PHF20: variants seen among roughly 807,000 people sequenced by gnomAD.
The protein encoded by PHF20 is PHD finger protein 20.
In PHF20, 23 loss-of-function variants were observed where a neutral mutation model predicts 113.5. The observed-to-expected ratio is 0.20, with a 90% CI of 0.15 to 0.29. PHF20 has a LOEUF of 0.29. Ranked by LOEUF, PHF20 falls within the 10% of genes least tolerant of loss-of-function variation. PHF20 has a pLI of 1.00. For synonymous variants in PHF20, 434 were observed against 457.3 expected (o/e 0.95, Z 0.65); for missense variants, 943 against 1,219.6 (o/e 0.77, Z 3.38).
chr20:35,937,415 C>T (rs1347401167), intron 15 of PHF20, among the ~76,000 whole-genome samples: 1 of 151,404 alleles, frequency 6.6e-6, no homozygotes, highest in African/African-American at 2.4e-5. Context: ...TTGTGGTGAG[C>T]CGAGATCGCA....
intron 13 of PHF20, among the ~76,000 whole-genome samples, chr20:35,921,972 C>T (rs1284721562): frequency 6.6e-6 from 1 of 152,138 alleles, no homozygotes; most frequent in Non-Finnish European, 1.5e-5. Flanking sequence ...GGTACTTTCT[C>T]TATTGACTTT....
rs61173937 is a variant in PHF20 at position 35,780,849 on chromosome 20, CT to C, written c.-33+8792del. Among the ~76,000 whole-genome samples, 858 of 98,222 alleles carry C rather than the reference CT, an allele frequency of 8.7e-3. 6 individuals carry two copies. The highest frequency in any genetic ancestry group is 0.031 in the African/African-American group (654 of 20,874). 64.4% of individuals were successfully genotyped at this position (98,222 alleles called of 152,430 possible). A position where few individuals can be genotyped will look rare whatever the true frequency, so the allele number is the denominator to read the frequency against. On this transcript the variant is annotated intron_variant, in intron 1 of 17. Coordinates refer to ENST00000374012, the MANE Select transcript of PHF20 (RefSeq NM_016436.5). Reference sequence around the variant, plus strand: ...AGACATGAGCCACTGGTGCCTGGCCCTTTTTTTTTTTTTTTTTTTTTTGAGA... The same window carrying C: ...AGACATGAGCCACTGGTGCCTGGCCCTTTTTTTTTTTTTTTTTTTTTGAGA...
intron 4 of PHF20, chr20:35,856,303 A>G (rs890094016): frequency 6.6e-6 from 1 of 152,234 alleles, no homozygotes; most frequent in East Asian, 1.9e-4. Context: ...AATAAAGGTC[A>G]GTAGGTAATT....
intron 9 of PHF20, among the ~76,000 whole-genome samples, chr20:35,882,189 G>T (rs1170250152): frequency 6.6e-6 from 1 of 152,140 alleles, no homozygotes; most frequent in East Asian, 1.9e-4. Flanking sequence ...GAGCAAGCTG[G>T]TTTGGCCAGA....
intron 2 of PHF20, among the ~76,000 whole-genome samples, chr20:35,812,645 G>A (rs571493785): frequency 6.6e-6 from 1 of 152,092 alleles, no homozygotes; most frequent in Non-Finnish European, 1.5e-5. Context: ...GTAATGCCGT[G>A]TGTTTCATAT....
At chr20:35,812,961 C>T (rs1053051543) in intron 2 of PHF20, among the ~76,000 whole-genome samples, 5 of 152,022 alleles carry the variant, frequency 3.3e-5, no homozygotes, top group African/African-American at 7.2e-5. Context: ...GTACGAACAG[C>T]TTTCATTTTT....
intron 9 of PHF20, among the ~76,000 whole-genome samples, chr20:35,893,986 C>T (rs961189626): frequency 1.3e-5 from 2 of 152,200 alleles, no homozygotes; most frequent in Non-Finnish European, 2.9e-5. Flanking sequence ...AAGCTTGGTA[C>T]TATCCTGCAT....
intron 2 of PHF20, among the ~76,000 whole-genome samples, chr20:35,820,710 A>G (rs1203849690): frequency 1.3e-5 from 2 of 151,948 alleles, no homozygotes; most frequent in Admixed American, 1.3e-4. Context: ...CAGCCTCCCA[A>G]AGTGTTGGGA....
Position 35,857,093 on chromosome 20 carries a change from G to T in PHF20, c.341-1209G>T, listed in dbSNP as rs551208010. On this transcript the variant is annotated intron_variant, in intron 4 of 17. Coordinates refer to ENST00000374012, the MANE Select transcript of PHF20 (RefSeq NM_016436.5). ...CAGGCCTCAGGGTTTTTTGCAGGGG[G>T]TGGGGGAATTGGTTCTAAAAAGAGA... is the stretch of plus-strand genomic sequence containing the variant. Among the ~76,000 whole-genome samples the T allele has an allele frequency of 2.6e-5, 4 of 152,218 alleles. No homozygotes were observed. The South Asian group carries it at 8.3e-4, about 32-fold the overall frequency.
intron 11 of PHF20, 91 bp downstream of exon 11, chr20:35,913,438 T>G: frequency 9.6e-6 from 8 of 833,050 alleles, no homozygotes; most frequent in Non-Finnish European, 1.6e-5. Flanking sequence ...GGGCCTGCGC[T>G]GAGCAGAGGA....
At chr20:35,781,298 C>G (rs924019076) in intron 1 of PHF20, among the ~76,000 whole-genome samples, 1 of 151,902 alleles carries the variant, frequency 6.6e-6, no homozygotes, top group Non-Finnish European at 1.5e-5. Context: ...CCTGCACCAC[C>G]ACATCCGGCT....
intron 1 of PHF20, among the ~76,000 whole-genome samples, chr20:35,783,564 A>C (rs1272017650): frequency 6.6e-6 from 1 of 151,192 alleles, no homozygotes; most frequent in Non-Finnish European, 1.5e-5. Flanking sequence ...CTACAGGTGT[A>C]TGCCACCGCG....
chr20:35,918,312 T>C (rs1331551455), intron 13 of PHF20, among the ~76,000 whole-genome samples: 2 of 152,138 alleles, frequency 1.3e-5, no homozygotes, highest in Non-Finnish European at 2.9e-5. Flanking sequence ...CCAACTGGCT[T>C]GGGAAGCTGA....
At chr20:35,794,829 C>T (rs1030143981) in intron 1 of PHF20, among the ~76,000 whole-genome samples, 1 of 152,152 alleles carries the variant, frequency 6.6e-6, no homozygotes, top group Non-Finnish European at 1.5e-5. Context: ...ACCATAGCGA[C>T]AGTACTCTTT....
intron 2 of PHF20, among the ~76,000 whole-genome samples, chr20:35,811,843 T>C (rs1390536124): frequency 6.6e-6 from 1 of 152,086 alleles, no homozygotes; most frequent in African/African-American, 2.4e-5. Context: ...CGATCTCTGC[T>C]CACTGCAAGC....
intron 9 of PHF20, among the ~76,000 whole-genome samples, chr20:35,894,581 A>G (rs541142263): frequency 2.0e-5 from 3 of 152,308 alleles, no homozygotes; most frequent in Admixed American, 1.3e-4. Flanking sequence ...TAATTCCTGA[A>G]ATTTAAAATG....
Position 35,938,814 on chromosome 20 carries a change from T to G in PHF20, c.2418T>G (p.Ala806=). 6.2e-7 allele frequency: 1 copy of G among 1,614,136 alleles called. No individual in the cohort carries two copies. ...PVTDTRSKEE[A]PSYRTLNGAV... is the part of the protein sequence containing the mutation. ...CTGACACCAGGAGCAAGGAGGAAGC[T>G]CCAAGCTATAGAACTTTGAACGGGG... The change falls in exon 16 of 18, where the codon GCT becomes GCG. Residue 806 remains alanine, a synonymous_variant. Transcript: ENST00000374012.
intron 2 of PHF20, among the ~76,000 whole-genome samples, chr20:35,816,206 C>T (rs1310012809): frequency 3.3e-5 from 5 of 152,188 alleles, no homozygotes; most frequent in Non-Finnish European, 7.3e-5. Context: ...CCACTTACCT[C>T]AGCCTCCCAA....
At chr20:35,816,874 C>T (rs1457237142) in intron 2 of PHF20, among the ~76,000 whole-genome samples, 1 of 151,774 alleles carries the variant, frequency 6.6e-6, no homozygotes. Flanking sequence ...TTACTGCAAC[C>T]TCTGCCTCCT....
Sources: gnomAD v4.1 joint callset for allele counts (sites outside exome capture counted in the v4.1 genomes callset) on GRCh38, gnomAD v4.1.1 for gene constraint, MANE v1.5 for transcripts, NCBI Gene and HGNC (gene_info 2026-07-23, HGNC 2026-07-21) for gene names.